The following MCC variants were observed in gnomAD, a reference collection of about 807,000 sequenced individuals.
MCC encodes the protein MCC regulator of Wnt signaling pathway.
In MCC, 90 loss-of-function variants were observed where a neutral mutation model predicts 116.2. The observed-to-expected ratio is 0.77, with a 90% CI of 0.65 to 0.92. The LOEUF (loss-of-function observed/expected upper bound fraction) is 0.92. Ranked by LOEUF, MCC falls within the 40% of genes least tolerant of loss-of-function variation. MCC has a pLI of 0.00. For missense variants in MCC, 1,516 were observed against 1,312.2 expected (o/e 1.16, Z -2.40); for synonymous variants, 578 against 510.5 (o/e 1.13, Z -1.78).
At chr5:113,362,421 A>G (rs1235915692) in intron 2 of MCC, among the ~76,000 whole-genome samples, 1 of 152,262 alleles carries the variant, frequency 6.6e-6, no homozygotes, top group Admixed American at 6.5e-5. Flanking sequence ...TTGAAAAGAA[A>G]GCATATCTTG....
At chr5:113,200,079 A>G (rs949910011) in intron 3 of MCC, among the ~76,000 whole-genome samples, 15 of 152,198 alleles carry the variant, frequency 9.9e-5, no homozygotes, top group African/African-American at 3.6e-4. Flanking sequence ...GCCATGGATG[A>G]AGTGACAAGG....
chr5:113,125,249 T>C (rs1757975963), intron 5 of MCC, among the ~76,000 whole-genome samples: 1 of 152,148 alleles, frequency 6.6e-6, no homozygotes, highest in South Asian at 2.1e-4. Flanking sequence ...AAGGAGTAAA[T>C]GTTGCCAAGA....
rs1380235123 is a variant in MCC, at chr5:113,280,069, C to T, written c.627+60450G>A. On this transcript the variant is annotated intron_variant, in intron 3 of 18. Coordinates refer to ENST00000408903, the MANE Select transcript of MCC (RefSeq NM_001085377.2). ...GGACTACAACTTGCTTCCATTCGGC[C>T]TCCACACTGATCTCTTCTCTTCCTG... Among the ~76,000 whole-genome samples the T allele has an allele frequency of 2.6e-5, 4 of 152,218 alleles. No homozygotes were observed. The East Asian group carries it at 7.7e-4, about 29-fold the overall frequency.
chr5:113,061,194 G>C (rs941473622), intron 14 of MCC, among the ~76,000 whole-genome samples: 1 of 152,164 alleles, frequency 6.6e-6, no homozygotes, highest in South Asian at 2.1e-4. Flanking sequence ...AGAGGCTCAC[G>C]GCAAGGCTGC....
At chr5:113,055,408 C>A (rs576608968) in intron 14 of MCC, among the ~76,000 whole-genome samples, 23 of 152,302 alleles carry the variant, frequency 1.5e-4, no homozygotes, top group Admixed American at 5.2e-4. Flanking sequence ...AGGGCAGGCC[C>A]ACTCTTGTAC....
intron 3 of MCC, among the ~76,000 whole-genome samples, chr5:113,267,043 G>A (rs896920335): frequency 1.3e-5 from 2 of 152,190 alleles, no homozygotes; most frequent in African/African-American, 4.8e-5. Flanking sequence ...TTGGCCAACA[G>A]TTGGCTAATT....
chr5:113,457,161 G>C (rs1347812386), intron 1 of MCC, among the ~76,000 whole-genome samples: 2 of 152,226 alleles, frequency 1.3e-5, no homozygotes, highest in Non-Finnish European at 2.9e-5. Flanking sequence ...GCGGGAGCGG[G>C]AACCGGGGCT....
intron 1 of MCC, among the ~76,000 whole-genome samples, chr5:113,407,852 G>T (rs1042070087): frequency 6.6e-6 from 1 of 151,940 alleles, no homozygotes; most frequent in African/African-American, 2.4e-5. Context: ...CTGTGTCCAC[G>T]TGTTTGCATT....
intron 11 of MCC, among the ~76,000 whole-genome samples, chr5:113,076,648 C>T (rs186160108): frequency 6.6e-6 from 1 of 152,256 alleles, no homozygotes; most frequent in Admixed American, 6.5e-5. Context: ...CTTACAAGAG[C>T]TCCTAAAGGA....
intron 3 of MCC, among the ~76,000 whole-genome samples, chr5:113,301,809 T>C (rs895319414): frequency 1.3e-5 from 2 of 152,214 alleles, no homozygotes; most frequent in Non-Finnish European, 2.9e-5. Flanking sequence ...AAATTTAAGC[T>C]CATTATAATA....
intron 6 of MCC, 77 bp downstream of exon 6, chr5:113,122,607 C>T: frequency 1.3e-6 from 2 of 1,540,678 alleles, no homozygotes; most frequent in South Asian, 1.2e-5. Context: ...TTAATTCAGG[C>T]TGCCTCACAT....
rs76099058 is a variant in MCC at position 113,474,007 on chromosome 5, C to T, written c.170+14238G>A. Among the ~76,000 whole-genome samples the T allele has an allele frequency of 3.6e-3, 541 of 152,254 alleles. 5 individuals are homozygous for T. In the East Asian group the frequency reaches 0.064, roughly 18 times the overall value. On this transcript the variant is annotated intron_variant, in intron 1 of 18. Transcript: ENST00000408903. Reference sequence around the variant, plus strand: ...CTAAAGTTACACGACCAGTTAGTAGCAGGGGCACTGAATTTTGGTCACACT... The same window carrying T: ...CTAAAGTTACACGACCAGTTAGTAGTAGGGGCACTGAATTTTGGTCACACT...
intron 8 of MCC, among the ~76,000 whole-genome samples, chr5:113,089,820 A>G (rs149586280): frequency 2.6e-5 from 4 of 152,356 alleles, no homozygotes; most frequent in African/African-American, 9.6e-5. Context: ...CAAAACACCC[A>G]AACTTGTAGC....
chr5:113,218,610 C>T (rs902972160), intron 3 of MCC, among the ~76,000 whole-genome samples: 2 of 152,058 alleles, frequency 1.3e-5, no homozygotes, highest in Non-Finnish European at 2.9e-5. Flanking sequence ...TCAATTTATG[C>T]GAGTTAAAAA....
At chr5:113,137,564 T>A (rs1758915479) in intron 5 of MCC, among the ~76,000 whole-genome samples, 3 of 152,306 alleles carry the variant, frequency 2.0e-5, no homozygotes, top group Middle Eastern at 6.8e-3. Context: ...GTGAATGACC[T>A]TTTTATTGTG....
At position 113,410,818 on chromosome 5, in the gene MCC, C is replaced by T. The variant is rs533545834; in HGVS notation, c.171-25606G>A. 5.9e-5 allele frequency among the ~76,000 whole-genome samples: 9 copies of T among 152,272 alleles called. No homozygotes were observed. The East Asian group carries it at 1.3e-3, about 23-fold the overall frequency. On this transcript the variant is annotated intron_variant, in intron 1 of 18. Coordinates refer to ENST00000408903, the MANE Select transcript of MCC (RefSeq NM_001085377.2). Reference sequence around the variant, plus strand: ...TCCCTGCCCTGTGTCCATGTGTTCTCGTTGTTCAATTCCCACCTATGAGTG... The same window carrying T: ...TCCCTGCCCTGTGTCCATGTGTTCTTGTTGTTCAATTCCCACCTATGAGTG...
chr5:113,064,024 C>A lies in MCC; in HGVS notation c.2173G>T (p.Val725Leu). The change falls in exon 14 of 19, where the codon GTG becomes TTG. Residue 725 changes from valine (V) to leucine (L), a missense_variant. By Grantham distance (32) the Val-to-Leu change is conservative. Transcript: ENST00000408903. ...GAGGAAAGGCTCTCCCAGGGCTGCA[C>A]GCTGCAGCCGGCCACGGCAAAGGCT... ...GGAFAVAGCS[V>L]QPWESLSSNS... 1 of 1,613,884 alleles carries A rather than the reference C, an allele frequency of 6.2e-7. No individual in the cohort carries two copies. The highest frequency in any genetic ancestry group is 8.5e-7 in the Non-Finnish European group (1 of 1,179,980).
chr5:113,076,071 G>C (rs958739965), intron 11 of MCC, among the ~76,000 whole-genome samples: 3 of 152,152 alleles, frequency 2.0e-5, no homozygotes, highest in Non-Finnish European at 2.9e-5. Flanking sequence ...CCATCTTTAA[G>C]AACTGTAACA....
In MCC at chr5:113,292,655, T is replaced by C. The variant is rs562289087; in HGVS notation, c.627+47864A>G. ...CCCAATGTGCTCAAGGACGTGCCAA[T>C]AGGACTAAAGTCAATTCACATCTCT... On this transcript the variant is annotated intron_variant, in intron 3 of 18. Transcript: ENST00000408903. 3.3e-5 allele frequency among the ~76,000 whole-genome samples: 5 copies of C among 152,296 alleles called. No homozygotes were observed. In the South Asian group the frequency reaches 6.2e-4, roughly 19 times the overall value.
Sources: allele counts gnomAD v4.1 joint callset (sites outside exome capture counted in the v4.1 genomes callset), GRCh38; gene constraint gnomAD v4.1.1; transcripts MANE v1.5; gene names NCBI Gene and HGNC (gene_info 2026-07-23, HGNC 2026-07-21).